MEOX1: variants seen among roughly 807,000 people sequenced by gnomAD.
The protein encoded by MEOX1 is homeobox protein MOX-1.
MEOX1 carries 17 observed loss-of-function variants against 23.2 expected under a neutral mutation model. The observed-to-expected ratio is 0.73, with a 90% CI of 0.50 to 1.10. MEOX1 has a LOEUF of 1.10. Ranked by LOEUF, MEOX1 falls within the 50% of genes least tolerant of loss-of-function variation. The pLI is 0.00. For missense variants in MEOX1, 333 were observed against 332.2 expected (o/e 1.00, Z -0.02); for synonymous variants, 134 against 135.1 (o/e 0.99, Z 0.06).
intron 1 of MEOX1, among the ~76,000 whole-genome samples, chr17:43,654,944 C>T (rs1180333979): frequency 1.3e-5 from 2 of 151,110 alleles, no homozygotes; most frequent in Admixed American, 6.6e-5. Flanking sequence ...CCCAGCTACT[C>T]GGGAGGCTGA....
chr17:43,644,887 G>A (rs748356582), intron 1 of MEOX1, among the ~76,000 whole-genome samples: 21 of 152,192 alleles, frequency 1.4e-4, no homozygotes, highest in Non-Finnish European at 2.6e-4. Flanking sequence ...TTGCACTCCA[G>A]CCTGGGCGAC....
intron 2 of MEOX1, among the ~76,000 whole-genome samples, chr17:43,643,101 G>C (rs990430627): frequency 3.3e-5 from 5 of 151,906 alleles, no homozygotes; most frequent in Non-Finnish European, 1.5e-5. Context: ...CTGAGGTCAG[G>C]AGTTTGAGAC....
chr17:43,643,401 G>A (rs1972735727), intron 2 of MEOX1, 87 bp downstream of exon 2: 6 of 1,244,914 alleles, frequency 4.8e-6, no homozygotes, highest in East Asian at 5.2e-5. Context: ...GAAGAAAAAG[G>A]AGAAGGTCCA....
At chr17:43,644,084 C>G (rs6503462) in intron 1 of MEOX1, among the ~76,000 whole-genome samples, 45,415 of 151,964 alleles carry the variant, frequency 0.3, 8,247 homozygotes, top group African/African-American at 0.52. Flanking sequence ...GAGCTTGTTA[C>G]AAATGCAAAT....
intron 1 of MEOX1, among the ~76,000 whole-genome samples, chr17:43,656,449 A>G (rs544827079): frequency 8.6e-5 from 13 of 151,908 alleles, no homozygotes; most frequent in Admixed American, 8.5e-4. Flanking sequence ...AGGAGGGAAA[A>G]GAGGAGAGAG....
chr17:43,643,675 C>A lies in MEOX1; in HGVS notation c.470-15G>T. On this transcript the variant is annotated splice_polypyrimidine_tract_variant and intron_variant, in intron 1 of 2. Transcript: ENST00000318579. Reference sequence around the variant, plus strand: ...CTCCTGGTTGTCTGGGGAGAGAGGACCCCAAACAGGAAGACATGGGCTGAG... The same window carrying A: ...CTCCTGGTTGTCTGGGGAGAGAGGAACCCAAACAGGAAGACATGGGCTGAG... 1 of 1,608,870 alleles carries A rather than the reference C, an allele frequency of 6.2e-7. No individual in the cohort carries two copies. The highest frequency in any genetic ancestry group is 8.5e-7 in the Non-Finnish European group (1 of 1,177,574).
In MEOX1 at chr17:43,641,782, T is replaced by A. The variant is rs1972698653; in HGVS notation, c.*128A>T. 13 of 1,009,796 alleles carry A rather than the reference T, an allele frequency of 1.3e-5. No homozygotes were observed. Among genetic ancestry groups the A allele is most frequent in the Non-Finnish European group, 1.6e-5 (11 of 692,510 alleles). The allele number at this position is 1,009,796 out of a possible 1,614,324, so 62.6% of individuals were successfully genotyped here. A position where few individuals can be genotyped will look rare whatever the true frequency, so the allele number is the denominator to read the frequency against. On this transcript the variant is annotated 3_prime_UTR_variant, in exon 3 of 3. Coordinates refer to ENST00000318579, the MANE Select transcript of MEOX1 (RefSeq NM_004527.4). ...CCCAGGAATGCTGGGCAGTTTCATA[T>A]CCAAGAGTCAGGGAAAGATGTGGAG...
chr17:43,644,866 A>G (rs998211144), intron 1 of MEOX1, among the ~76,000 whole-genome samples: 2 of 152,210 alleles, frequency 1.3e-5, no homozygotes, highest in African/African-American at 4.8e-5. Context: ...CAGTGAGCGG[A>G]GATCACGCCA....
intron 1 of MEOX1, among the ~76,000 whole-genome samples, chr17:43,647,950 G>A (rs1354440139): frequency 6.6e-6 from 1 of 152,210 alleles, no homozygotes; most frequent in African/African-American, 2.4e-5. Context: ...TCCCAGAGTG[G>A]GATCAACGTT....
chr17:43,650,114 A>G (rs1234964772), intron 1 of MEOX1, among the ~76,000 whole-genome samples: 2 of 152,216 alleles, frequency 1.3e-5, no homozygotes, highest in Non-Finnish European at 2.9e-5. Context: ...CAGGATGCCA[A>G]ATGCCTCACA....
intron 1 of MEOX1, among the ~76,000 whole-genome samples, chr17:43,646,836 A>G (rs943610595): frequency 3.9e-5 from 6 of 152,044 alleles, no homozygotes; most frequent in African/African-American, 1.4e-4. Flanking sequence ...AACAACAAAA[A>G]ATTAGCTGGG....
At chr17:43,644,203 C>G (rs888123259) in intron 1 of MEOX1, among the ~76,000 whole-genome samples, 1 of 152,234 alleles carries the variant, frequency 6.6e-6, no homozygotes, top group African/African-American at 2.4e-5. Flanking sequence ...GTCCGCTGCT[C>G]TAAGACCTCA....
At chr17:43,655,725 T>C (rs1378317877) in intron 1 of MEOX1, among the ~76,000 whole-genome samples, 1 of 149,182 alleles carries the variant, frequency 6.7e-6, no homozygotes, top group Non-Finnish European at 1.5e-5. Context: ...TGGTTGAAAC[T>C]TGAGGACATT....
Position 43,655,660 on chromosome 17 carries a change from T to TA in MEOX1, c.469+5405dup, listed in dbSNP as rs57762377. ...GCAGCATAGCAAGACCCTGTCTTTC[T>TA]AAAAAAAAAAAAAAAAAAAAAAAAA... On this transcript the variant is annotated intron_variant, in intron 1 of 2. Coordinates refer to ENST00000318579, the MANE Select transcript of MEOX1 (RefSeq NM_004527.4). Among the ~76,000 whole-genome samples, 531 of 75,594 alleles carry TA rather than the reference T, an allele frequency of 7.0e-3. 10 individuals are homozygous for TA. Among genetic ancestry groups the TA allele is most frequent in the South Asian group, 0.045 (83 of 1,848 alleles). The allele number at this position is 75,594 out of a possible 152,430, so 49.6% of individuals were successfully genotyped here.
intron 1 of MEOX1, among the ~76,000 whole-genome samples, chr17:43,654,748 A>G (rs78726102): frequency 6.6e-6 from 1 of 152,154 alleles, no homozygotes; most frequent in Admixed American, 6.5e-5. Context: ...TATACACTCA[A>G]AAGAATTGAA....
chr17:43,646,839 T>C (rs1972824276), intron 1 of MEOX1, among the ~76,000 whole-genome samples: 1 of 151,970 alleles, frequency 6.6e-6, no homozygotes. Context: ...AACAAAAAAT[T>C]AGCTGGGCGT....
Position 43,643,253 on chromosome 17 carries a change from A to G in MEOX1, c.642+235T>C, listed in dbSNP as rs147107681. On this transcript the variant is annotated intron_variant, in intron 2 of 2. Transcript: ENST00000318579. ...CTTGAACCCAGGAGGTGGAGGTTACAGTAAGATCGCGCCACTGCACTCCAG... is the reference window on the plus strand; with the variant it reads ...CTTGAACCCAGGAGGTGGAGGTTACGGTAAGATCGCGCCACTGCACTCCAG... Among the ~76,000 whole-genome samples, 1,510 of 152,360 alleles carry G rather than the reference A, an allele frequency of 9.9e-3. 15 individuals are homozygous for G. Among genetic ancestry groups the G allele is most frequent in the Non-Finnish European group, 0.014 (976 of 68,022 alleles).
chr17:43,650,160 T>G (rs770573014), intron 1 of MEOX1, among the ~76,000 whole-genome samples: 2 of 152,224 alleles, frequency 1.3e-5, no homozygotes, highest in Non-Finnish European at 2.9e-5. Context: ...AGGGATTTCT[T>G]TCCTCCAAAG....
At chr17:43,645,670 C>T (rs1373577823) in intron 1 of MEOX1, among the ~76,000 whole-genome samples, 4 of 152,122 alleles carry the variant, frequency 2.6e-5, no homozygotes, top group Non-Finnish European at 5.9e-5. Context: ...ATTCAGACCC[C>T]CTAGTGTAAA....
Sources: gnomAD v4.1 joint callset for allele counts (sites outside exome capture counted in the v4.1 genomes callset) on GRCh38, gnomAD v4.1.1 for gene constraint, MANE v1.5 for transcripts, NCBI Gene and HGNC (gene_info 2026-07-23, HGNC 2026-07-21) for gene names.